The following DSG3 variants were observed in gnomAD, a reference collection of about 807,000 sequenced individuals.
DSG3 encodes the protein desmoglein 3.
DSG3 carries 63 observed loss-of-function variants against 85.9 expected under a neutral mutation model. That is an observed-to-expected ratio of 0.73 (90% CI 0.60 to 0.90). DSG3 has a LOEUF of 0.90. DSG3 is among the 40% of genes least tolerant of loss of function. The pLI is 0.00. For synonymous variants in DSG3, 447 were observed against 441.9 expected (o/e 1.01, Z -0.14); for missense variants, 1,220 against 1,219.9 (o/e 1.00, Z 0.00).
At chr18:31,454,158 T>C (rs1003743625) in intron 1 of DSG3, among the ~76,000 whole-genome samples, 2 of 152,178 alleles carry the variant, frequency 1.3e-5, no homozygotes, top group Non-Finnish European at 2.9e-5. Flanking sequence ...TATTCTACCT[T>C]ATTGTGTATT....
chr18:31,464,318 G>T lies in DSG3; in HGVS notation c.1207G>T (p.Asp403Tyr), dbSNP rs971571650. The change falls in exon 9 of 16, where the codon GAT (aspartate) becomes TAT (tyrosine). Residue 403 changes from aspartate to tyrosine, a missense_variant. Asp to Tyr is a radical substitution (Grantham distance 160). Coordinates refer to ENST00000257189, the MANE Select transcript of DSG3 (RefSeq NM_001944.3). Reference protein sequence around the residue: ...QKGISSKKLVDYILGTYQAID... With the variant: ...QKGISSKKLVYYILGTYQAID... ...AGGCATAAGTAGCAAAAAATTGGTG[G>T]ATTATATCCTGGGAACATATCAAGC... 1 of 1,614,118 alleles carries T rather than the reference G, an allele frequency of 6.2e-7. No individual in the cohort carries two copies. Among genetic ancestry groups the T allele is most frequent in the Non-Finnish European group, 8.5e-7 (1 of 1,179,996 alleles).
chr18:31,459,133 C>G lies in DSG3; in HGVS notation c.473C>G (p.Ser158Ter). The G allele has an allele frequency of 6.2e-7, 1 of 1,613,102 alleles. No individual in the cohort carries two copies. The highest frequency in any genetic ancestry group is 8.5e-7 in the Non-Finnish European group (1 of 1,179,886). Residue 158 changes from serine (S) to a stop codon, truncating the protein, a stop_gained, in exon 5 of 16, where the codon TCA (serine) becomes TGA (stop). Transcript: ENST00000257189. LOFTEE classifies it high-confidence loss of function. ...ATTAATGATAATCCTCCAGTATTTT[C>G]ACAACAAATTTTCATGGGTGAAATT... ...LDINDNPPVF[S>*]QQIFMGEIEE...
intron 3 of DSG3, among the ~76,000 whole-genome samples, chr18:31,457,559 T>TTC (rs1159828607): frequency 8.2e-6 from 1 of 121,252 alleles, no homozygotes; most frequent in African/African-American, 3.7e-5. Flanking sequence ...CTTTCTTTCT[T>TTC]TCTTTCTTTC....
intron 1 of DSG3, among the ~76,000 whole-genome samples, chr18:31,451,891 T>C (rs2072713657): frequency 6.6e-6 from 1 of 152,240 alleles, no homozygotes. Context: ...GTCAAGCTGG[T>C]AGCCTAAGGT....
chr18:31,452,517 CAAAAAAAAAAA>C (rs35886860), intron 1 of DSG3, among the ~76,000 whole-genome samples: 3 of 51,836 alleles, frequency 5.8e-5, no homozygotes, highest in South Asian at 6.8e-4. Context: ...GACTCCGTCT[CAAAAAAAAAAA>C]AAAAAAAAAA....
At position 31,455,477 on chromosome 18, in the gene DSG3, G is replaced by A. The variant is rs1598775644; in HGVS notation, c.49-963G>A. Among the ~76,000 whole-genome samples the A allele has an allele frequency of 2.0e-5, 3 of 152,088 alleles. No individual in the cohort carries two copies. In the South Asian group the frequency reaches 6.2e-4, roughly 32 times the overall value. ...GCTTAGCACAGAAATTCTTTCATGT[G>A]CATAAAACAAGAAATAATAAACTGT... On this transcript the variant is annotated intron_variant, in intron 1 of 15. Transcript: ENST00000257189.
At chr18:31,456,194 C>A (rs1325706863) in intron 1 of DSG3, among the ~76,000 whole-genome samples, 1 of 152,122 alleles carries the variant, frequency 6.6e-6, no homozygotes, top group Non-Finnish European at 1.5e-5. Context: ...CCAATAGGTT[C>A]TTCTTTATGT....
intron 8 of DSG3, among the ~76,000 whole-genome samples, chr18:31,462,527 C>T (rs2072793123): frequency 6.6e-6 from 1 of 152,170 alleles, no homozygotes; most frequent in Non-Finnish European, 1.5e-5. Context: ...CCACAGCCAT[C>T]CCCACTTGTA....
chr18:31,476,090 G>C lies in DSG3; in HGVS notation c.2830G>C (p.Val944Leu), dbSNP rs376372895. The C allele has an allele frequency of 6.2e-7, 1 of 1,614,118 alleles. No homozygotes were observed. The highest frequency in any genetic ancestry group is 8.5e-7 in the Non-Finnish European group (1 of 1,180,026). ...TETYSASGSL[V>L]QPSTAGFDPL... ...GACTTACTCGGCTTCTGGTTCCCTC[G>C]TGCAACCTTCCACTGCAGGCTTTGA... Residue 944 changes from valine to leucine, a missense_variant, in exon 16 of 16, where the codon GTG (valine) becomes CTG (leucine). By Grantham distance (32) the Val-to-Leu change is conservative (BLOSUM62 1). Transcript: ENST00000257189.
At chr18:31,471,388 AAAG>A (rs1195657567) in intron 12 of DSG3, among the ~76,000 whole-genome samples, 1 of 152,202 alleles carries the variant, frequency 6.6e-6, no homozygotes, top group African/African-American at 2.4e-5. Flanking sequence ...TTAACTGAGC[AAAG>A]AAGGATGATA....
In DSG3 at chr18:31,469,150, G is replaced by C; in HGVS notation, c.1698G>C (p.Leu566=). ...QIPPGVYHIS[L]VLTDSQNNRC... ...CTCCTGGAGTATACCACATCTCCCT[G>C]GTACTTACAGACAGTCAGAACAATC... Residue 566 remains leucine, a synonymous_variant, in exon 12 of 16, where the codon CTG becomes CTC. Coordinates refer to ENST00000257189, the MANE Select transcript of DSG3 (RefSeq NM_001944.3). The C allele has an allele frequency of 3.1e-6, 5 of 1,614,182 alleles. No individual in the cohort carries two copies. The highest frequency in any genetic ancestry group is 4.2e-6 in the Non-Finnish European group (5 of 1,180,036).
At chr18:31,451,330 G>T (rs192038045) in intron 1 of DSG3, among the ~76,000 whole-genome samples, 10 of 152,228 alleles carry the variant, frequency 6.6e-5, no homozygotes, top group African/African-American at 1.9e-4. Context: ...ATTAGGTAAA[G>T]CTTTCCTCAC....
chr18:31,449,969 T>G (rs2072701447), intron 1 of DSG3, among the ~76,000 whole-genome samples: 1 of 152,224 alleles, frequency 6.6e-6, no homozygotes, highest in Non-Finnish European at 1.5e-5. Flanking sequence ...TGTCAATAAT[T>G]TTTTATGTTG....
At chr18:31,456,555 AT>A in intron 2 of DSG3, 80 bp downstream of exon 2, 3 of 719,666 alleles carry the variant, frequency 4.2e-6, no homozygotes, top group African/African-American at 1.9e-5. Context: ...GTAGAAATGA[AT>A]ATTTAATTTC....
rs75746253 is a variant in DSG3 at position 31,473,932 on chromosome 18, G to A, written c.2102-189G>A. 3.7e-3 allele frequency among the ~76,000 whole-genome samples: 567 copies of A among 152,070 alleles called. 3 individuals carry two copies. The highest frequency in any genetic ancestry group is 6.0e-3 in the Non-Finnish European group (409 of 67,982). On this transcript the variant is annotated intron_variant, in intron 14 of 15. Transcript: ENST00000257189. ...GTATATTTTTAGAGCTTTTTCACCC[G>A]TTTATATGCCCTCCTTTGTGACTCT...
chr18:31,461,675 A>G (rs533720196), intron 8 of DSG3, among the ~76,000 whole-genome samples: 3 of 152,322 alleles, frequency 2.0e-5, no homozygotes, highest in African/African-American at 7.2e-5. Context: ...TGTATACTTT[A>G]AGCACATGGT....
intron 14 of DSG3, 136 bp from the exon 15 acceptor site, chr18:31,473,985 C>A (rs952890858): frequency 1.3e-6 from 1 of 793,602 alleles, no homozygotes; most frequent in Non-Finnish European, 2.0e-6. Context: ...GATGTTATCA[C>A]CTCTAGTCAT....
intron 11 of DSG3, among the ~76,000 whole-genome samples, chr18:31,467,039 A>T (rs957472556): frequency 2.6e-5 from 4 of 152,196 alleles, no homozygotes; most frequent in East Asian, 3.8e-4. Context: ...CACCCAAAAA[A>T]GATTAGAGTC....
Position 31,478,674 on chromosome 18 carries a change from A to G in DSG3, c.*2414A>G, listed in dbSNP as rs1201364969. 1 of 152,226 alleles carries G rather than the reference A, an allele frequency of 6.6e-6. No individual in the cohort carries two copies. Among genetic ancestry groups the G allele is most frequent in the Non-Finnish European group, 1.5e-5 (1 of 68,044 alleles). 9.4% of individuals were successfully genotyped at this position (152,226 alleles called of 1,614,324 possible). A position where few individuals can be genotyped will look rare whatever the true frequency, so the allele number is the denominator to read the frequency against. Reference sequence around the variant, plus strand: ...CAGTATAATGTTGTTATAATAAAACAGGCAATAAATTTATAAATAAAAGCT... The same window carrying G: ...CAGTATAATGTTGTTATAATAAAACGGGCAATAAATTTATAAATAAAAGCT... On this transcript the variant is annotated 3_prime_UTR_variant, in exon 16 of 16. Transcript: ENST00000257189.
Sources: allele counts gnomAD v4.1 joint callset (sites outside exome capture counted in the v4.1 genomes callset), GRCh38; gene constraint gnomAD v4.1.1; transcripts MANE v1.5; gene names NCBI Gene and HGNC (gene_info 2026-07-23, HGNC 2026-07-21).